RYR2: variants seen among roughly 807,000 people sequenced by gnomAD.
The protein encoded by RYR2 is ryanodine receptor 2.
In RYR2, 227 loss-of-function variants were observed where a neutral mutation model predicts 601.1. That is an observed-to-expected ratio of 0.38 (90% CI 0.34 to 0.42). RYR2 has a LOEUF of 0.42. Among genes scored for constraint, RYR2 ranks in the 10% least tolerant of loss-of-function variants. The pLI, the probability that RYR2 is intolerant of heterozygous loss-of-function variation, is 1.00. For missense variants in RYR2, 4,646 were observed against 6,156.5 expected, an observed-to-expected ratio of 0.75 and a Z score of 8.21; for synonymous variants, 2,223 against 2,175.1, an observed-to-expected ratio of 1.02 and a Z score of -0.61.
intron 1 of RYR2, among the ~76,000 whole-genome samples, chr1:237,170,678 T>C (rs1677258956): frequency 6.6e-6 from 1 of 152,240 alleles, no homozygotes; most frequent in Non-Finnish European, 1.5e-5. Flanking sequence ...GAGGTTATTA[T>C]CCTGCAGATA....
At chr1:237,243,411 C>G (rs1427049444) in intron 1 of RYR2, among the ~76,000 whole-genome samples, 1 of 152,116 alleles carries the variant, frequency 6.6e-6, no homozygotes, top group African/African-American at 2.4e-5. Context: ...CACTTATTTA[C>G]ATTTACGGGC....
At chr1:237,593,068 T>A (rs1675409742) in intron 32 of RYR2, among the ~76,000 whole-genome samples, 1 of 151,844 alleles carries the variant, frequency 6.6e-6, no homozygotes, top group Admixed American at 6.6e-5. Context: ...ATGTATAAGC[T>A]TGAAGAATTT....
intron 1 of RYR2, among the ~76,000 whole-genome samples, chr1:237,197,263 T>G (rs1680674767): frequency 6.6e-6 from 1 of 152,174 alleles, no homozygotes; most frequent in Admixed American, 6.5e-5. Context: ...AGCACAGGGT[T>G]CAACAGAAGT....
chr1:237,666,411 A>C (rs1022759842), intron 56 of RYR2, 101 bp from the exon 57 acceptor site: 2 of 977,938 alleles, frequency 2.0e-6, no homozygotes, highest in African/African-American at 3.3e-5. Context: ...ATCTAAGGAA[A>C]CACTATGTTT....
intron 17 of RYR2, among the ~76,000 whole-genome samples, chr1:237,486,290 G>C (rs1260347997): frequency 6.6e-6 from 1 of 152,124 alleles, no homozygotes; most frequent in Non-Finnish European, 1.5e-5. Context: ...AATCAACTTG[G>C]AATAGTCAAC....
intron 92 of RYR2, among the ~76,000 whole-genome samples, chr1:237,790,291 C>T (rs1658215324): frequency 6.6e-6 from 1 of 152,114 alleles, no homozygotes; most frequent in African/African-American, 2.4e-5. Flanking sequence ...TTAAATACAA[C>T]CCAACGATAA....
chr1:237,323,456 G>A (rs1179859671), intron 2 of RYR2, among the ~76,000 whole-genome samples: 1 of 152,164 alleles, frequency 6.6e-6, no homozygotes, highest in Non-Finnish European at 1.5e-5. Flanking sequence ...TAGAATTAGA[G>A]AGGTATGATG....
At chr1:237,481,313 C>T (rs16835303) in intron 17 of RYR2, among the ~76,000 whole-genome samples, 6,720 of 151,982 alleles carry the variant, frequency 0.044, 165 homozygotes, top group East Asian at 0.088. Flanking sequence ...AAATAATTTA[C>T]CAGTTTATCT....
At chr1:237,438,515 T>A (rs554276605) in intron 12 of RYR2, among the ~76,000 whole-genome samples, 1 of 152,358 alleles carries the variant, frequency 6.6e-6, no homozygotes, top group East Asian at 1.9e-4. Context: ...CATGAGGAGT[T>A]GCTTATATTT....
In RYR2 at chr1:237,360,496, AAAG is replaced by A. The variant is rs1420216889; in HGVS notation, c.295-3856_295-3854del. Among the ~76,000 whole-genome samples, 4 of 152,180 alleles carry A rather than the reference AAAG, an allele frequency of 2.6e-5. No homozygotes were observed. In the East Asian group the frequency reaches 7.7e-4, roughly 29 times the overall value. Reference sequence around the variant, plus strand: ...ATCATTTATTTTTCTTTACCCTTCTAAAGAAGAACTACATAATTGTATGTACAT... The same window carrying A: ...ATCATTTATTTTTCTTTACCCTTCTAAAGAACTACATAATTGTATGTACAT... On this transcript the variant is annotated intron_variant, in intron 4 of 104. Transcript: ENST00000366574.
intron 95 of RYR2, among the ~76,000 whole-genome samples, chr1:237,794,399 A>G (rs913853528): frequency 1.3e-5 from 2 of 152,194 alleles, no homozygotes; most frequent in African/African-American, 4.8e-5. Flanking sequence ...TACACCTTGA[A>G]TATATCTGAG....
At chr1:237,810,646 C>T (rs891651670) in intron 100 of RYR2, among the ~76,000 whole-genome samples, 1 of 152,036 alleles carries the variant, frequency 6.6e-6, no homozygotes, top group African/African-American at 2.4e-5. Context: ...ACAAACAAGC[C>T]TCTGTATGTT....
chr1:237,418,273 A>G (rs10925412), intron 11 of RYR2, among the ~76,000 whole-genome samples: 61,778 of 151,858 alleles, frequency 0.41, 13,979 homozygotes, highest in East Asian at 0.72. Flanking sequence ...CGATCTCCTG[A>G]CCTCCTGATC....
intron 61 of RYR2, 116 bp downstream of exon 61, chr1:237,678,228 G>A (rs143393061): frequency 1.1e-5 from 7 of 618,658 alleles, no homozygotes; most frequent in East Asian, 8.5e-5. Context: ...TTTACTGCAC[G>A]TAAATATTCT....
At chr1:237,795,232 GTTA>G in intron 95 of RYR2, 54 bp from the exon 96 acceptor site, 1 of 801,798 alleles carries the variant, frequency 1.2e-6, no homozygotes, top group Admixed American at 3.3e-5. Flanking sequence ...CAAATGATAT[GTTA>G]TTATTTGTCA....
At chr1:237,118,392 A>G (rs1670374717) in intron 1 of RYR2, among the ~76,000 whole-genome samples, 1 of 151,500 alleles carries the variant, frequency 6.6e-6, no homozygotes, top group African/African-American at 2.4e-5. Flanking sequence ...CGTTTTCATC[A>G]TGCAGTAACC....
chr1:237,626,862 T>G (rs923378783), intron 40 of RYR2, among the ~76,000 whole-genome samples: 2 of 152,114 alleles, frequency 1.3e-5, no homozygotes, highest in Non-Finnish European at 2.9e-5. Flanking sequence ...AGTGAGCCAC[T>G]GTGCATGGCC....
intron 60 of RYR2, among the ~76,000 whole-genome samples, chr1:237,675,422 A>G (rs1685311154): frequency 6.6e-6 from 1 of 152,152 alleles, no homozygotes; most frequent in African/African-American, 2.4e-5. Context: ...GCCTCCGGTC[A>G]CTTCTGTTAT....
chr1:237,826,506 G>A (rs1381498946), intron 101 of RYR2, among the ~76,000 whole-genome samples: 1 of 152,114 alleles, frequency 6.6e-6, no homozygotes, highest in Non-Finnish European at 1.5e-5. Flanking sequence ...AGCCTGTTGA[G>A]GGGTTGGGAT....
Sources: allele counts gnomAD v4.1 joint callset (sites outside exome capture counted in the v4.1 genomes callset), GRCh38; gene constraint gnomAD v4.1.1; transcripts MANE v1.5; gene names NCBI Gene and HGNC (gene_info 2026-07-23, HGNC 2026-07-21).